Variants in MTOR observed in about 807,000 individuals in gnomAD.
MTOR encodes mechanistic target of rapamycin kinase.
Under a neutral mutation model 319.8 loss-of-function variants are expected in MTOR, and 70 were observed. The observed-to-expected ratio is 0.22, with a 90% confidence interval of 0.18 to 0.27. MTOR has a LOEUF of 0.27. Ranked by LOEUF, MTOR falls within the 10% of genes least tolerant of loss-of-function variation. The pLI, the probability that MTOR is intolerant of heterozygous loss-of-function variation, is 1.00. For missense variants in MTOR, 1,890 were observed against 3,274.4 expected, an observed-to-expected ratio of 0.58 and a Z score of 10.32; for synonymous variants, 1,183 against 1,211.4, an observed-to-expected ratio of 0.98 and a Z score of 0.49.
intron 32 of MTOR, 76 bp from the exon 33 acceptor site, chr1:11,145,121 T>A: frequency 8.2e-7 from 1 of 1,219,608 alleles, no homozygotes; most frequent in Non-Finnish European, 1.2e-6. Flanking sequence ...CCCAACTAGC[T>A]ACAGAAGTTA....
chr1:11,234,834 A>G (rs1647143424), intron 13 of MTOR, among the ~76,000 whole-genome samples: 1 of 152,126 alleles, frequency 6.6e-6, no homozygotes, highest in African/African-American at 2.4e-5. Context: ...GACTGGAGAT[A>G]ACACATTGGT....
intron 54 of MTOR, chr1:11,111,082 T>C (rs1641841029): frequency 2.2e-6 from 1 of 454,670 alleles, no homozygotes; most frequent in Non-Finnish European, 4.4e-6. Flanking sequence ...TCACAAATCC[T>C]GTCACAGTGT....
intron 36 of MTOR, among the ~76,000 whole-genome samples, chr1:11,134,879 G>C (rs1643330308): frequency 6.6e-6 from 1 of 152,194 alleles, no homozygotes; most frequent in Non-Finnish European, 1.5e-5. Flanking sequence ...TACAACACCA[G>C]GGTACCTTGG....
rs74694886 is a variant in MTOR, at chr1:11,211,524, C to T, written c.3562-618G>A. 8.0e-3 allele frequency among the ~76,000 whole-genome samples: 1,215 copies of T among 152,274 alleles called. 20 individuals are homozygous for T. The highest frequency in any genetic ancestry group is 0.027 in the African/African-American group (1,122 of 41,542). ...CTGGGACCACAGGCACGTGTTCCTA[C>T]GCCTGGCTAAGTTTTAAATTTTTTT... On this transcript the variant is annotated intron_variant, in intron 23 of 57. Transcript: ENST00000361445.
chr1:11,198,350 GCTAA>G (rs1454250344), intron 28 of MTOR, among the ~76,000 whole-genome samples: 8 of 152,102 alleles, frequency 5.3e-5, no homozygotes, highest in Admixed American at 1.3e-4. Context: ...CTATCTTTTC[GCTAA>G]CTTTTTAAAG....
In MTOR at chr1:11,128,507, C is replaced by T; in HGVS notation, c.5857G>A (p.Val1953Met). The T allele has an allele frequency of 1.2e-6, 2 of 1,614,208 alleles. No homozygotes were observed. The highest frequency in any genetic ancestry group is 1.7e-6 in the Non-Finnish European group (2 of 1,180,036). ...IARIDTPRPL[V>M]GRLIHQLLTD... ...AGAAGCTGGTGAATGAGACGTCCCA[C>T]CAAGGGTCTGGGCGTATCAATTCTT... The change falls in exon 42 of 58, where the codon GTG becomes ATG. Residue 1953 changes from valine to methionine, a missense_variant. This residue lies in a region of MTOR where 249 missense variants were observed against 596.2 expected (regional missense o/e 0.42). Coordinates refer to ENST00000361445, the MANE Select transcript of MTOR (RefSeq NM_004958.4). The surrounding 1 kb of genome is among the most constrained non-coding windows in gnomAD (Gnocchi z 5.3).
chr1:11,128,142 A>G lies in MTOR; in HGVS notation c.5911-16T>C, dbSNP rs1404650557. The G allele has an allele frequency of 6.2e-7, 1 of 1,613,266 alleles. No individual in the cohort carries two copies. ...AGATGAGGGCCTGAGGGAAAAACAG[A>G]AGAAACATCTATAAAGGAAATGTGG... On this transcript the variant is annotated splice_polypyrimidine_tract_variant and intron_variant, in intron 42 of 57. Transcript: ENST00000361445. The surrounding 1 kb of genome is among the most constrained non-coding windows in gnomAD (Gnocchi z 5.3).
intron 4 of MTOR, 101 bp from the exon 5 acceptor site, chr1:11,256,293 GAGA>G (rs761712058): frequency 7.4e-6 from 11 of 1,482,244 alleles, no homozygotes; most frequent in Non-Finnish European, 9.0e-6. Context: ...ACCAGGAACA[GAGA>G]AGGCTTGCTC....
intron 30 of MTOR, among the ~76,000 whole-genome samples, chr1:11,151,275 T>G (rs947974905): frequency 6.6e-6 from 1 of 152,024 alleles, no homozygotes; most frequent in Non-Finnish European, 1.5e-5. Flanking sequence ...GATATTAACT[T>G]TGTTGTCTCT....
chr1:11,250,867 G>C (rs1649580326), intron 6 of MTOR, among the ~76,000 whole-genome samples: 1 of 152,120 alleles, frequency 6.6e-6, no homozygotes, highest in Admixed American at 6.5e-5. Flanking sequence ...CAAACACCTT[G>C]ACACTTCTTT....
chr1:11,259,221 A>G (rs762675282), intron 2 of MTOR, 27 bp downstream of exon 2: 12 of 1,609,536 alleles, frequency 7.5e-6, no homozygotes, highest in Non-Finnish European at 1.0e-5. Flanking sequence ...ACATCCCACA[A>G]TGACTGGCCC....
At chr1:11,164,578 G>A (rs944746113) in intron 29 of MTOR, among the ~76,000 whole-genome samples, 6 of 152,052 alleles carry the variant, frequency 3.9e-5, no homozygotes, top group Non-Finnish European at 8.8e-5. Context: ...ACCAATAACT[G>A]GCTCTGAAAT....
chr1:11,215,193 A>T (rs1646430800), intron 20 of MTOR, among the ~76,000 whole-genome samples: 1 of 152,162 alleles, frequency 6.6e-6, no homozygotes. Context: ...ATTAAGTCAC[A>T]GATTACTTCA....
chr1:11,122,897 AAGAC>A (rs1243780609), intron 47 of MTOR, among the ~76,000 whole-genome samples: 2 of 152,220 alleles, frequency 1.3e-5, no homozygotes, highest in Admixed American at 1.3e-4. Context: ...GCATCACAGA[AAGAC>A]AGTGCACTGA....
intron 14 of MTOR, 57 bp from the exon 15 acceptor site, chr1:11,233,544 C>G: frequency 7.3e-7 from 1 of 1,364,602 alleles, no homozygotes; most frequent in Non-Finnish European, 1.0e-6. Flanking sequence ...AGAAACCTTT[C>G]TTTTATATAA....
rs1045157527 is a variant in MTOR at position 11,128,269 on chromosome 1, G to A, written c.5911-143C>T. 6.7e-6 allele frequency: 9 copies of A among 1,347,512 alleles called. No homozygotes were observed. In the African/African-American group the frequency reaches 7.3e-5, roughly 11 times the overall value. The allele number at this position is 1,347,512 out of a possible 1,614,324, so 83.5% of individuals were successfully genotyped here. A position where few individuals can be genotyped will look rare whatever the true frequency, so the allele number is the denominator to read the frequency against. On this transcript the variant is annotated intron_variant, in intron 42 of 57. Transcript: ENST00000361445. The surrounding 1 kb of genome is among the most constrained non-coding windows in gnomAD (Gnocchi z 5.3). The stretch of plus-strand genomic sequence containing the variant: ...ACTACCAGGAAGGGGCTCAGTCTTC[G>A]AGGGAACGCTTTCTTTTTAGCAAGG...
At chr1:11,229,983 G>A (rs775730202) in intron 18 of MTOR, among the ~76,000 whole-genome samples, 1 of 151,916 alleles carries the variant, frequency 6.6e-6, no homozygotes, top group Non-Finnish European at 1.5e-5. Flanking sequence ...ATAAAATTAA[G>A]TTAAAATAAA....
chr1:11,226,286 G>A (rs1303960682), intron 19 of MTOR: 1 of 151,880 alleles, frequency 6.6e-6, no homozygotes, highest in African/African-American at 2.4e-5. Flanking sequence ...TACTAGCATT[G>A]GAACAATCTA....
intron 28 of MTOR, among the ~76,000 whole-genome samples, chr1:11,193,227 T>C (rs1014590694): frequency 6.6e-6 from 1 of 151,754 alleles, no homozygotes; most frequent in African/African-American, 2.4e-5. Context: ...GGAGAATCAC[T>C]GGAACTCAGG....
Sources: gnomAD v4.1 joint callset for allele counts (sites outside exome capture counted in the v4.1 genomes callset) on GRCh38, gnomAD v4.1.1 for gene constraint, gnomAD v4.1.1 regional missense constraint, Gnocchi (gnomAD v3.1) non-coding constraint, MANE v1.5 for transcripts, NCBI Gene and HGNC (gene_info 2026-07-23, HGNC 2026-07-21) for gene names.